DESI2: variants seen among roughly 807,000 people sequenced by gnomAD.
The protein encoded by DESI2 is desumoylating isopeptidase 2.
DESI2 carries 10 observed loss-of-function variants against 24.1 expected under a neutral mutation model. That is an observed-to-expected ratio of 0.41 (90% CI 0.26 to 0.70). DESI2 has a LOEUF of 0.70. Among genes scored for constraint, DESI2 ranks in the 30% least tolerant of loss-of-function variants. The probability of loss-of-function intolerance (pLI) is 0.29; values close to 1 mark genes in which losing one functional copy is unlikely to be tolerated. For missense variants in DESI2, 122 were observed against 234.9 expected, an observed-to-expected ratio of 0.52 and a Z score of 3.14; for synonymous variants, 71 against 87.7, an observed-to-expected ratio of 0.81 and a Z score of 1.06.
At chr1:244,669,865 C>A (rs1432457887) in intron 1 of DESI2, among the ~76,000 whole-genome samples, 2 of 152,162 alleles carry the variant, frequency 1.3e-5, no homozygotes, top group Non-Finnish European at 2.9e-5. Flanking sequence ...GCCCTCTGCT[C>A]ATGTACTTCA....
chr1:244,682,034 G>T (rs1419292198), intron 1 of DESI2, among the ~76,000 whole-genome samples: 1 of 152,192 alleles, frequency 6.6e-6, no homozygotes, highest in Non-Finnish European at 1.5e-5. Context: ...TGGTCTCGCT[G>T]ACTTCAGGAA....
Position 244,705,998 on chromosome 1 carries a change from T to G in DESI2, c.*209T>G, listed in dbSNP as rs560701853. The G allele has an allele frequency of 9.0e-6, 5 of 554,666 alleles. No homozygotes were observed. In the East Asian group the frequency reaches 1.2e-4, roughly 13 times the overall value. The allele number at this position is 554,666 out of a possible 1,614,324, so 34.4% of individuals were successfully genotyped here. On this transcript the variant is annotated 3_prime_UTR_variant, in exon 5 of 5. Transcript: ENST00000302550. Reference sequence around the variant, plus strand: ...ACTTTGTAAGAAGCTGCCCTCTGTTTTTTTTATCCACTCGTAAATCTGGAT... The same window carrying G: ...ACTTTGTAAGAAGCTGCCCTCTGTTGTTTTTATCCACTCGTAAATCTGGAT...
At chr1:244,680,356 T>C (rs1676565050) in intron 1 of DESI2, among the ~76,000 whole-genome samples, 1 of 152,022 alleles carries the variant, frequency 6.6e-6, no homozygotes, top group Non-Finnish European at 1.5e-5. Context: ...GGAGAATGGC[T>C]TGAGCCCTGC....
At chr1:244,671,411 T>C (rs1222819822) in intron 1 of DESI2, among the ~76,000 whole-genome samples, 2 of 152,198 alleles carry the variant, frequency 1.3e-5, no homozygotes, top group Admixed American at 1.3e-4. Context: ...TGTCATTATA[T>C]GTAACTCTTC....
chr1:244,667,795 C>T (rs1676097973), intron 1 of DESI2, among the ~76,000 whole-genome samples: 2 of 152,194 alleles, frequency 1.3e-5, no homozygotes, highest in South Asian at 4.1e-4. Flanking sequence ...ACCTGACAGG[C>T]TAGGGAGATC....
chr1:244,690,855 C>T (rs571461142), intron 3 of DESI2, among the ~76,000 whole-genome samples: 4 of 152,290 alleles, frequency 2.6e-5, no homozygotes, highest in African/African-American at 9.6e-5. Flanking sequence ...ACACATTAAG[C>T]CCTCTACTAA....
chr1:244,659,142 C>T (rs868385642), intron 1 of DESI2, among the ~76,000 whole-genome samples: 1 of 147,296 alleles, frequency 6.8e-6, no homozygotes, highest in African/African-American at 2.5e-5. Flanking sequence ...GACAGTTGTA[C>T]ATCTGCCCTC....
At chr1:244,702,653 T>C (rs1677515044) in intron 4 of DESI2, among the ~76,000 whole-genome samples, 1 of 152,088 alleles carries the variant, frequency 6.6e-6, no homozygotes, top group South Asian at 2.1e-4. Context: ...GCCTAAGAGG[T>C]ATAGGGGATA....
intron 4 of DESI2, among the ~76,000 whole-genome samples, chr1:244,692,248 G>A (rs1677054374): frequency 6.6e-6 from 1 of 152,136 alleles, no homozygotes; most frequent in Admixed American, 6.6e-5. Context: ...TGGGTAGAGA[G>A]TAAGTACAAA....
chr1:244,657,358 A>G (rs1407218069), intron 1 of DESI2, among the ~76,000 whole-genome samples: 1 of 152,212 alleles, frequency 6.6e-6, no homozygotes, highest in African/African-American at 2.4e-5. Flanking sequence ...ATGTCCAGGA[A>G]CAAACTTCTT....
chr1:244,677,466 G>A (rs1024123373), intron 1 of DESI2, among the ~76,000 whole-genome samples: 5 of 152,082 alleles, frequency 3.3e-5, no homozygotes, highest in African/African-American at 1.2e-4. Flanking sequence ...CAACTTCTGG[G>A]GGTCCTTTCT....
At chr1:244,653,627 C>A (rs1261060976) in intron 1 of DESI2, 2 of 521,816 alleles carry the variant, frequency 3.8e-6, no homozygotes, top group South Asian at 5.0e-5. Context: ...CCGACCCCGG[C>A]TCTGGGCCCG....
chr1:244,677,515 C>T (rs190604315), intron 1 of DESI2, among the ~76,000 whole-genome samples: 11 of 152,308 alleles, frequency 7.2e-5, no homozygotes, highest in African/African-American at 2.6e-4. Flanking sequence ...AAACAAAGAA[C>T]TACTGAGTTC....
chr1:244,663,801 G>A (rs1675938926), intron 1 of DESI2, among the ~76,000 whole-genome samples: 1 of 151,956 alleles, frequency 6.6e-6, no homozygotes, highest in Non-Finnish European at 1.5e-5. Context: ...GACGGATCAT[G>A]AGGTCAGGAG....
intron 4 of DESI2, among the ~76,000 whole-genome samples, chr1:244,695,409 T>A (rs1238509344): frequency 3.3e-5 from 5 of 152,234 alleles, no homozygotes; most frequent in Non-Finnish European, 5.9e-5. Flanking sequence ...ATCCCAGCAC[T>A]TTGGGAGGCC....
intron 1 of DESI2, among the ~76,000 whole-genome samples, chr1:244,669,472 A>G (rs1361275133): frequency 6.6e-6 from 1 of 152,074 alleles, no homozygotes; most frequent in Admixed American, 6.5e-5. Flanking sequence ...TGAGGTCAGG[A>G]GTTCGAGACT....
Position 244,705,964 on chromosome 1 carries a change from G to A in DESI2, c.*175G>A, listed in dbSNP as rs1677683359. Reference sequence around the variant, plus strand: ...CAAAAAAAAAAAATCACTTGGCGCAGGAGGGAGAACTTTGTAAGAAGCTGC... The same window carrying A: ...CAAAAAAAAAAAATCACTTGGCGCAAGAGGGAGAACTTTGTAAGAAGCTGC... On this transcript the variant is annotated 3_prime_UTR_variant, in exon 5 of 5. Transcript: ENST00000302550. 7 of 591,904 alleles carry A rather than the reference G, an allele frequency of 1.2e-5. No individual in the cohort carries two copies. The highest frequency in any genetic ancestry group is 1.0e-4 in the South Asian group (5 of 47,700). 36.7% of individuals were successfully genotyped at this position (591,904 alleles called of 1,614,324 possible).
At chr1:244,705,521 C>G in intron 4 of DESI2, 35 bp from the exon 5 acceptor site, 4 of 1,576,164 alleles carry the variant, frequency 2.5e-6, no homozygotes, top group Non-Finnish European at 3.5e-6. Flanking sequence ...ATCTTAACCT[C>G]TCTTACCTAA....
At chr1:244,692,639 C>T (rs992457627) in intron 4 of DESI2, among the ~76,000 whole-genome samples, 1 of 152,196 alleles carries the variant, frequency 6.6e-6, no homozygotes, top group Non-Finnish European at 1.5e-5. Context: ...GTCCAGGTGC[C>T]ACAGAAACTG....
Sources: gnomAD v4.1 joint callset for allele counts (sites outside exome capture counted in the v4.1 genomes callset) on GRCh38, gnomAD v4.1.1 for gene constraint, MANE v1.5 for transcripts, NCBI Gene and HGNC (gene_info 2026-07-23, HGNC 2026-07-21) for gene names.